SCFD2: variants seen among roughly 807,000 people sequenced by gnomAD.
The protein encoded by SCFD2 is sec1 family domain containing 2.
SCFD2 carries 54 observed loss-of-function variants against 58.9 expected under a neutral mutation model. That is an observed-to-expected ratio of 0.92 (90% CI 0.74 to 1.15). The LOEUF is 1.15. SCFD2 is among the 50% of genes most tolerant of loss of function. The pLI is 0.00. For missense variants in SCFD2, 805 were observed against 836.6 expected, an observed-to-expected ratio of 0.96 and a Z score of 0.47; for synonymous variants, 321 against 335.9, an observed-to-expected ratio of 0.96 and a Z score of 0.49.
intron 5 of SCFD2, among the ~76,000 whole-genome samples, chr4:53,094,383 G>A (rs1256220218): frequency 6.6e-6 from 1 of 152,072 alleles, no homozygotes; most frequent in East Asian, 1.9e-4. Context: ...TCCTTGGCTT[G>A]TAGGTGGCCA....
chr4:53,217,667 G>C (rs1480969162), intron 4 of SCFD2, among the ~76,000 whole-genome samples: 3 of 152,188 alleles, frequency 2.0e-5, no homozygotes, highest in African/African-American at 7.2e-5. Context: ...CGTTATGTGT[G>C]AATTTGATCC....
intron 3 of SCFD2, among the ~76,000 whole-genome samples, chr4:53,282,563 T>G (rs1354958093): frequency 6.6e-6 from 1 of 152,160 alleles, no homozygotes; most frequent in Non-Finnish European, 1.5e-5. Context: ...CACAGAGTTG[T>G]ACAACCATCA....
At chr4:53,054,124 A>G (rs867041221) in intron 5 of SCFD2, among the ~76,000 whole-genome samples, 1 of 152,028 alleles carries the variant, frequency 6.6e-6, no homozygotes, top group East Asian at 1.9e-4. Context: ...ATAACCACCC[A>G]TCTAGTCCCT....
chr4:53,277,325 C>T (rs1731357425), intron 3 of SCFD2, among the ~76,000 whole-genome samples: 1 of 152,156 alleles, frequency 6.6e-6, no homozygotes, highest in South Asian at 2.1e-4. Context: ...CAAATTTTCA[C>T]ACAAAATGGT....
At chr4:52,972,671 T>C (rs557279684) in intron 5 of SCFD2, among the ~76,000 whole-genome samples, 1 of 152,316 alleles carries the variant, frequency 6.6e-6, no homozygotes, top group South Asian at 2.1e-4. Flanking sequence ...GCAGACCTAA[T>C]AGACACCTAC....
Position 53,267,025 on chromosome 4 carries a change from T to G in SCFD2, c.1311+6801A>C, listed in dbSNP as rs139722607. ...CTCAGGTCTCTTGCTGGCTAGTTGT[T>G]AGATCACCAAAACCATTGTAAGTAG... On this transcript the variant is annotated intron_variant, in intron 4 of 8. Coordinates refer to ENST00000401642, the MANE Select transcript of SCFD2 (RefSeq NM_152540.4). Among the ~76,000 whole-genome samples, 23 of 152,342 alleles carry G rather than the reference T, an allele frequency of 1.5e-4. No homozygotes were observed. In the East Asian group the frequency reaches 4.2e-3, roughly 28 times the overall value.
intron 5 of SCFD2, among the ~76,000 whole-genome samples, chr4:53,113,690 G>A (rs1334416182): frequency 6.6e-6 from 1 of 152,026 alleles, no homozygotes; most frequent in African/African-American, 2.4e-5. Context: ...ACCAGGGCTT[G>A]TTCACTTCTG....
chr4:52,899,400 C>T (rs1342349820), intron 7 of SCFD2, among the ~76,000 whole-genome samples: 1 of 152,166 alleles, frequency 6.6e-6, no homozygotes, highest in East Asian at 1.9e-4. Context: ...ATTTCTCCTT[C>T]ACTTATGAAG....
intron 2 of SCFD2, among the ~76,000 whole-genome samples, chr4:53,328,072 T>C (rs1315097226): frequency 6.6e-6 from 1 of 151,264 alleles, no homozygotes; most frequent in Non-Finnish European, 1.5e-5. Flanking sequence ...GAGGCAGAGG[T>C]TGCAGTGAGC....
At chr4:53,211,419 T>G (rs780422265) in intron 4 of SCFD2, among the ~76,000 whole-genome samples, 36 of 152,094 alleles carry the variant, frequency 2.4e-4, no homozygotes, top group Non-Finnish European at 4.4e-4. Flanking sequence ...TATAATAAAT[T>G]GGTAAACGTG....
intron 5 of SCFD2, among the ~76,000 whole-genome samples, chr4:52,935,704 A>G (rs1159902555): frequency 3.9e-5 from 6 of 152,216 alleles, no homozygotes; most frequent in African/African-American, 1.2e-4. Flanking sequence ...TTTCTAAGAA[A>G]TTGGATATGT....
intron 4 of SCFD2, among the ~76,000 whole-genome samples, chr4:53,248,868 A>G (rs188351762): frequency 3.3e-5 from 5 of 152,244 alleles, no homozygotes; most frequent in Non-Finnish European, 7.3e-5. Flanking sequence ...AACAGAACAG[A>G]AAAACTCGAA....
intron 2 of SCFD2, among the ~76,000 whole-genome samples, chr4:53,320,065 T>A (rs1732981350): frequency 6.6e-6 from 1 of 152,258 alleles, no homozygotes; most frequent in Non-Finnish European, 1.5e-5. Context: ...GCAGCATGAC[T>A]ATATTATCTC....
chr4:53,132,153 A>C (rs1725802161), intron 5 of SCFD2, among the ~76,000 whole-genome samples: 1 of 152,246 alleles, frequency 6.6e-6, no homozygotes, highest in South Asian at 2.1e-4. Context: ...TAGCTACCTC[A>C]ATAGGAAGCT....
chr4:53,095,693 G>A (rs1724602814), intron 5 of SCFD2, among the ~76,000 whole-genome samples: 1 of 151,816 alleles, frequency 6.6e-6, no homozygotes, highest in Non-Finnish European at 1.5e-5. Context: ...GACTCTTCAT[G>A]ACCTACTACT....
At chr4:53,226,440 G>A (rs2149000751) in intron 4 of SCFD2, among the ~76,000 whole-genome samples, 1 of 152,076 alleles carries the variant, frequency 6.6e-6, no homozygotes, top group South Asian at 2.1e-4. Flanking sequence ...TATCATATGG[G>A]CTGACACAAG....
chr4:53,328,379 G>A (rs377143135), intron 2 of SCFD2, among the ~76,000 whole-genome samples: 5 of 152,228 alleles, frequency 3.3e-5, no homozygotes, highest in African/African-American at 1.2e-4. Flanking sequence ...GACTAGCTAG[G>A]ATAGGTACAA....
chr4:53,301,738 A>C (rs1414638197), intron 3 of SCFD2, among the ~76,000 whole-genome samples: 2 of 152,190 alleles, frequency 1.3e-5, no homozygotes, highest in Non-Finnish European at 2.9e-5. Context: ...CAACACATCA[A>C]AAAGCTTATC....
At chr4:53,040,631 G>A (rs1339218607) in intron 5 of SCFD2, among the ~76,000 whole-genome samples, 4 of 152,106 alleles carry the variant, frequency 2.6e-5, no homozygotes, top group Admixed American at 1.3e-4. Flanking sequence ...CCTGAATTAT[G>A]CAACTATAAA....
Sources: allele counts gnomAD v4.1 joint callset (sites outside exome capture counted in the v4.1 genomes callset), GRCh38; gene constraint gnomAD v4.1.1; transcripts MANE v1.5; gene names NCBI Gene and HGNC (gene_info 2026-07-23, HGNC 2026-07-21).